SYT2: variants seen among roughly 807,000 people sequenced by gnomAD.
SYT2 encodes the protein synaptotagmin 2.
A neutral mutation model predicts 39.9 loss-of-function variants in SYT2; 15 were observed. The ratio of observed to expected loss-of-function variants is 0.38; its 90% confidence interval spans 0.25 to 0.58. The LOEUF (loss-of-function observed/expected upper bound fraction) is 0.58. Ranked by LOEUF, SYT2 falls within the 20% of genes least tolerant of loss-of-function variation. The pLI, the probability that SYT2 is intolerant of heterozygous loss-of-function variation, is 0.70. For missense variants in SYT2, 389 were observed against 530.3 expected, an observed-to-expected ratio of 0.73 and a Z score of 2.62; for synonymous variants, 181 against 204.5, an observed-to-expected ratio of 0.89 and a Z score of 0.98.
At chr1:202,636,440 C>T in intron 1 of SYT2, 1 of 977,312 alleles carries the variant, frequency 1.0e-6, no homozygotes, top group African/African-American at 1.7e-5. Context: ...TTCAAATCAT[C>T]GTCTGCCTCA....
At chr1:202,652,254 TG>T (rs1342325427) in intron 1 of SYT2, among the ~76,000 whole-genome samples, 1 of 152,160 alleles carries the variant, frequency 6.6e-6, no homozygotes, top group African/African-American at 2.4e-5. Flanking sequence ...GATGGCTCCC[TG>T]GGGAGAAATA....
At chr1:202,627,379 C>T in intron 1 of SYT2, 1 of 888,920 alleles carries the variant, frequency 1.1e-6, no homozygotes, top group Non-Finnish European at 1.3e-6. Context: ...CCAGGAACTG[C>T]CCCCCAACTC....
intron 1 of SYT2, among the ~76,000 whole-genome samples, chr1:202,687,044 T>C (rs1022732899): frequency 1.3e-5 from 2 of 152,250 alleles, no homozygotes; most frequent in Admixed American, 1.3e-4. Context: ...AAATGACCTG[T>C]TGACGTGCTT....
intron 1 of SYT2, among the ~76,000 whole-genome samples, chr1:202,691,763 G>C (rs867024737): frequency 3.6e-5 from 5 of 138,386 alleles, no homozygotes; most frequent in Admixed American, 7.1e-5. Context: ...GAGAGAGAGA[G>C]AGAGAGAGAG....
At chr1:202,612,407 A>G (rs188408065) in intron 1 of SYT2, among the ~76,000 whole-genome samples, 1 of 152,144 alleles carries the variant, frequency 6.6e-6, no homozygotes, top group East Asian at 1.9e-4. Flanking sequence ...TCACTCTGTC[A>G]CCCAGGCTGG....
intron 1 of SYT2, among the ~76,000 whole-genome samples, chr1:202,626,586 C>T (rs1329414812): frequency 9.9e-5 from 15 of 151,728 alleles, no homozygotes; most frequent in African/African-American, 2.2e-4. Flanking sequence ...AGGATGGTCT[C>T]AAACTCCTGG....
chr1:202,600,525 C>CT, intron 6 of SYT2, 51 bp from the exon 7 acceptor site: 1 of 1,563,712 alleles, frequency 6.4e-7, no homozygotes, highest in Non-Finnish European at 8.8e-7. Context: ...CCTAGTGCCT[C>CT]TCTCATGGCT....
intron 8 of SYT2, among the ~76,000 whole-genome samples, chr1:202,598,360 T>TA: frequency 6.6e-6 from 1 of 152,342 alleles, no homozygotes; most frequent in African/African-American, 2.4e-5. Flanking sequence ...CAGGATGCTC[T>TA]AGATCTAAAA....
chr1:202,616,330 AG>A (rs938509215), intron 1 of SYT2, among the ~76,000 whole-genome samples: 6 of 152,096 alleles, frequency 3.9e-5, no homozygotes, highest in Non-Finnish European at 7.4e-5. Context: ...CTGACTTCTC[AG>A]GAAGTCTTTG....
chr1:202,690,662 C>A (rs1653797079), intron 1 of SYT2, among the ~76,000 whole-genome samples: 1 of 152,234 alleles, frequency 6.6e-6, no homozygotes, highest in Admixed American at 6.5e-5. Flanking sequence ...TCTAATTCTT[C>A]AATATTCATT....
At chr1:202,697,119 C>T (rs894311250) in intron 1 of SYT2, among the ~76,000 whole-genome samples, 1 of 152,206 alleles carries the variant, frequency 6.6e-6, no homozygotes, top group African/African-American at 2.4e-5. Context: ...GCATTAGCTC[C>T]TAACGGCAGA....
At chr1:202,679,065 C>A (rs962776223) in intron 1 of SYT2, among the ~76,000 whole-genome samples, 2 of 152,182 alleles carry the variant, frequency 1.3e-5, no homozygotes, top group African/African-American at 4.8e-5. Context: ...ACCCCTTCTG[C>A]CCTCTCTCCC....
chr1:202,659,034 G>C (rs113583502), intron 1 of SYT2, among the ~76,000 whole-genome samples: 1 of 152,196 alleles, frequency 6.6e-6, no homozygotes, highest in African/African-American at 2.4e-5. Flanking sequence ...GAAAATCTCT[G>C]TCTCTCTTTC....
intron 1 of SYT2, among the ~76,000 whole-genome samples, chr1:202,687,290 G>T (rs541407799): frequency 6.6e-6 from 1 of 152,016 alleles, no homozygotes; most frequent in African/African-American, 2.4e-5. Context: ...CCAAAAGCCC[G>T]TCTTGGGTAA....
At position 202,703,037 on chromosome 1, in the gene SYT2, T is replaced by C. The variant is rs115226604; in HGVS notation, c.-18+7221A>G. Among the ~76,000 whole-genome samples, 562 of 152,288 alleles carry C rather than the reference T, an allele frequency of 3.7e-3. 2 individuals carry two copies. Among genetic ancestry groups the C allele is most frequent in the African/African-American group, 0.013 (549 of 41,554 alleles). On this transcript the variant is annotated intron_variant, in intron 1 of 8. Coordinates refer to ENST00000367268, the MANE Select transcript of SYT2 (RefSeq NM_177402.5). ...GCATAAAAACTGCTTCCCGAGTCAC[T>C]TTGTAGAAGAGGAAGGACATGCACA...
At chr1:202,600,316 C>T (rs370255354) in intron 7 of SYT2, 41 bp downstream of exon 7, 6 of 1,550,996 alleles carry the variant, frequency 3.9e-6, no homozygotes, top group East Asian at 2.2e-5. Context: ...CTGACTGGCT[C>T]GCTGGTGCCA....
chr1:202,643,525 C>G (rs1196898420), intron 1 of SYT2: 1 of 152,536 alleles, frequency 6.6e-6, no homozygotes, highest in Non-Finnish European at 1.5e-5. Flanking sequence ...TTGATATGCT[C>G]CTCACATTCG....
chr1:202,629,379 C>T lies in SYT2; in HGVS notation c.-17-23590G>A, dbSNP rs537208759. Among the ~76,000 whole-genome samples, 41 of 152,198 alleles carry T rather than the reference C, an allele frequency of 2.7e-4. 1 individual carries two copies. Among genetic ancestry groups the T allele is most frequent in the Non-Finnish European group, 4.9e-4 (33 of 68,030 alleles). On this transcript the variant is annotated intron_variant, in intron 1 of 8. Coordinates refer to ENST00000367268, the MANE Select transcript of SYT2 (RefSeq NM_177402.5). ...CTTCCCCAATACTCAGGCCTCTCAG[C>T]AGCCATGGCTTCTCCAACAGTGGCT...
chr1:202,657,262 G>A (rs912184980), intron 1 of SYT2, among the ~76,000 whole-genome samples: 8 of 152,192 alleles, frequency 5.3e-5, no homozygotes, highest in Non-Finnish European at 1.0e-4. Context: ...CAAGAGCCAC[G>A]TTCACCACGG....
Sources: allele counts gnomAD v4.1 joint callset (sites outside exome capture counted in the v4.1 genomes callset), GRCh38; gene constraint gnomAD v4.1.1; transcripts MANE v1.5; gene names NCBI Gene and HGNC (gene_info 2026-07-23, HGNC 2026-07-21).